Variants in LRRC4C observed in about 807,000 individuals in gnomAD.
LRRC4C encodes the protein leucine-rich repeat-containing protein 4C.
LRRC4C carries 5 observed loss-of-function variants against 33.6 expected under a neutral mutation model. The ratio of observed to expected loss-of-function variants is 0.15; its 90% CI spans 0.08 to 0.31. The LOEUF (loss-of-function observed/expected upper bound fraction) is 0.31. LRRC4C is among the 10% of genes least tolerant of loss of function. The pLI, the probability that LRRC4C is intolerant of heterozygous loss-of-function variation, is 1.00. For synonymous variants in LRRC4C, 329 were observed against 302.0 expected (o/e 1.09, Z -0.93); for missense variants, 560 against 796.7 (o/e 0.70, Z 3.58).
rs1433799817 is a variant in LRRC4C at position 40,988,668 on chromosome 11, T to C, written c.-495-54945A>G. On this transcript the variant is annotated intron_variant, in intron 1 of 6. Coordinates refer to ENST00000528697, the MANE Select transcript of LRRC4C (RefSeq NM_001258419.2). ...TGCCTACTCAGGATTCAAGTACCTG[T>C]TCCAGTGCAAACAACCCAGCATTTG... is the stretch of plus-strand genomic sequence containing the variant. 2.0e-5 allele frequency among the ~76,000 whole-genome samples: 3 copies of C among 151,810 alleles called. No individual in the cohort carries two copies. The East Asian group carries it at 5.8e-4, about 29-fold the overall frequency.
At chr11:40,745,263 T>C (rs1443298474) in intron 2 of LRRC4C, among the ~76,000 whole-genome samples, 1 of 152,184 alleles carries the variant, frequency 6.6e-6, no homozygotes, top group Non-Finnish European at 1.5e-5. Context: ...CTATCTGTTC[T>C]TTCCAAAGGG....
At chr11:41,181,797 T>G (rs759067522) in intron 1 of LRRC4C, among the ~76,000 whole-genome samples, 22 of 152,238 alleles carry the variant, frequency 1.4e-4, no homozygotes, top group Non-Finnish European at 2.9e-4. Context: ...ACCATCACTT[T>G]GCTACTTTCC....
chr11:40,412,784 C>A (rs543061569), intron 3 of LRRC4C, among the ~76,000 whole-genome samples: 1 of 152,154 alleles, frequency 6.6e-6, no homozygotes, highest in Admixed American at 6.6e-5. Flanking sequence ...GGGGCAGTCC[C>A]TGCAACACTA....
intron 1 of LRRC4C, among the ~76,000 whole-genome samples, chr11:41,258,687 A>G (rs2136706818): frequency 6.6e-6 from 1 of 152,178 alleles, no homozygotes; most frequent in South Asian, 2.1e-4. Context: ...GGAAAAATGT[A>G]ATTGACATAA....
At chr11:40,871,123 G>A (rs11605195) in intron 2 of LRRC4C, among the ~76,000 whole-genome samples, 136 of 152,130 alleles carry the variant, frequency 8.9e-4, no homozygotes, top group African/African-American at 3.1e-3. Flanking sequence ...TGGTCAGACC[G>A]GTTGTCTGCC....
intron 3 of LRRC4C, among the ~76,000 whole-genome samples, chr11:40,416,850 G>A (rs1337019834): frequency 1.3e-5 from 2 of 152,190 alleles, no homozygotes; most frequent in Non-Finnish European, 2.9e-5. Context: ...TCTGCTTAAT[G>A]TGCTACTATA....
At position 40,193,267 on chromosome 11, in the gene LRRC4C, A is replaced by C. The variant is rs573251973; in HGVS notation, c.-96+48252T>G. ...GCTTCCAGAGGAGGAAGCAGGCAGC[A>C]ATCTTTGCTGTTCTTCAGCCTCTGC... On this transcript the variant is annotated intron_variant, in intron 5 of 6. Coordinates refer to ENST00000528697, the MANE Select transcript of LRRC4C (RefSeq NM_001258419.2). Among the ~76,000 whole-genome samples, 18 of 152,248 alleles carry C rather than the reference A, an allele frequency of 1.2e-4. No homozygotes were observed. In the South Asian group the frequency reaches 1.2e-3, roughly 11 times the overall value.
At chr11:41,087,596 T>C (rs963753848) in intron 1 of LRRC4C, among the ~76,000 whole-genome samples, 2 of 152,128 alleles carry the variant, frequency 1.3e-5, no homozygotes, top group Admixed American at 1.3e-4. Context: ...CCAAAGTAGC[T>C]GGAACTACAG....
intron 3 of LRRC4C, among the ~76,000 whole-genome samples, chr11:40,426,778 T>G (rs1950732417): frequency 6.6e-6 from 1 of 152,228 alleles, no homozygotes; most frequent in Non-Finnish European, 1.5e-5. Flanking sequence ...GTTGAATGAA[T>G]GAATAAGTGA....
chr11:41,361,943 CAAAT>C (rs1268851479), intron 1 of LRRC4C, among the ~76,000 whole-genome samples: 2 of 152,070 alleles, frequency 1.3e-5, no homozygotes, highest in African/African-American at 4.8e-5. Flanking sequence ...TTCATTCAGA[CAAAT>C]AAATAATATT....
chr11:40,455,318 T>C (rs929849211), intron 3 of LRRC4C, among the ~76,000 whole-genome samples: 1 of 152,174 alleles, frequency 6.6e-6, no homozygotes, highest in Non-Finnish European at 1.5e-5. Context: ...TGCTTTTGTG[T>C]CCATCCTCAC....
At chr11:41,228,336 AT>A (rs1010371531) in intron 1 of LRRC4C, among the ~76,000 whole-genome samples, 1 of 151,966 alleles carries the variant, frequency 6.6e-6, no homozygotes, top group African/African-American at 2.4e-5. Context: ...TTTTTATGAG[AT>A]TTTTTCCCCA....
chr11:40,530,319 G>A (rs1303421726), intron 3 of LRRC4C, among the ~76,000 whole-genome samples: 1 of 152,068 alleles, frequency 6.6e-6, no homozygotes, highest in East Asian at 1.9e-4. Flanking sequence ...ATCTTATAAT[G>A]TGAAAAAGTA....
intron 3 of LRRC4C, among the ~76,000 whole-genome samples, chr11:40,407,313 G>A (rs1171122044): frequency 6.6e-6 from 1 of 152,052 alleles, no homozygotes; most frequent in Non-Finnish European, 1.5e-5. Flanking sequence ...GCTCAGACAT[G>A]TTGATTTTTC....
intron 4 of LRRC4C, among the ~76,000 whole-genome samples, chr11:40,281,948 A>G (rs1943504772): frequency 6.6e-6 from 1 of 152,174 alleles, no homozygotes; most frequent in South Asian, 2.1e-4. Flanking sequence ...CTACATTCCC[A>G]ATGTGACTTG....
intron 1 of LRRC4C, among the ~76,000 whole-genome samples, chr11:41,281,051 TCTCTCTCTCTCTCTCTCTCTCTCTGTC>T (rs1189650263): frequency 7.7e-6 from 1 of 129,954 alleles, no homozygotes; most frequent in Non-Finnish European, 1.6e-5. Flanking sequence ...TTTCTCTCTC[TCTCTCTCTCTCTCTCTCTCTCTCTGTC>T]CTCTCTCTCT....
chr11:41,319,347 T>C (rs1950887404), intron 1 of LRRC4C, among the ~76,000 whole-genome samples: 1 of 152,230 alleles, frequency 6.6e-6, no homozygotes, highest in South Asian at 2.1e-4. Context: ...AATTCATACT[T>C]ATGATTATTA....
chr11:40,443,939 G>T (rs1007130812), intron 3 of LRRC4C, among the ~76,000 whole-genome samples: 2 of 152,120 alleles, frequency 1.3e-5, no homozygotes, highest in Non-Finnish European at 2.9e-5. Flanking sequence ...AATTTTATAT[G>T]ATGTAAGTTA....
chr11:40,908,766 T>G (rs1481752941), intron 2 of LRRC4C, among the ~76,000 whole-genome samples: 3 of 152,154 alleles, frequency 2.0e-5, no homozygotes, highest in Non-Finnish European at 4.4e-5. Context: ...TTATTCATTT[T>G]CTAAATAATA....
Sources: gnomAD v4.1 joint callset for allele counts (sites outside exome capture counted in the v4.1 genomes callset) on GRCh38, gnomAD v4.1.1 for gene constraint, MANE v1.5 for transcripts, NCBI Gene and HGNC (gene_info 2026-07-23, HGNC 2026-07-21) for gene names.